The following IFT43 variants were observed in gnomAD, a reference collection of about 807,000 sequenced individuals.
IFT43 encodes the protein intraflagellar transport protein 43 homolog.
IFT43 carries 33 observed loss-of-function variants against 32.3 expected under a neutral mutation model. The ratio of observed to expected loss-of-function variants is 1.02; its 90% CI spans 0.77 to 1.37. IFT43 has a LOEUF of 1.37. Ranked by LOEUF, IFT43 falls within the 40% of genes most tolerant of loss-of-function variation. IFT43 has a pLI of 0.00. For synonymous variants in IFT43, 93 were observed against 98.2 expected, an observed-to-expected ratio of 0.95 and a Z score of 0.31; for missense variants, 274 against 265.9, an observed-to-expected ratio of 1.03 and a Z score of -0.21.
At position 76,058,292 on chromosome 14, in the gene IFT43, GGTCTCAGTCCTAA is replaced by G. The variant is rs1228793624; in HGVS notation, c.216-348_216-336del. The stretch of plus-strand genomic sequence containing the variant: ...GCTAACAACACCAAATAAGACCCAG[GGTCTCAGTCCTAA>G]GAAAGCACTCTATAAATCAGTCAGT... On this transcript the variant is annotated intron_variant, in intron 3 of 8. Coordinates refer to ENST00000314067, the MANE Select transcript of IFT43 (RefSeq NM_001102564.3). 1.0e-5 allele frequency: 3 copies of G among 299,602 alleles called. No individual in the cohort carries two copies. In the East Asian group the frequency reaches 2.7e-4, roughly 27 times the overall value. 18.6% of individuals were successfully genotyped at this position (299,602 alleles called of 1,614,324 possible).
chr14:76,073,930 C>T lies in IFT43; in HGVS notation c.296-8365C>T, dbSNP rs144559194. On this transcript the variant is annotated intron_variant, in intron 5 of 8. Coordinates refer to ENST00000314067, the MANE Select transcript of IFT43 (RefSeq NM_001102564.3). The stretch of plus-strand genomic sequence containing the variant: ...ACTCCTCATCTGTCTTATGAAAATT[C>T]GATTCCGAGTGGCTGTGATCAAAAC... Among the ~76,000 whole-genome samples, 45 of 152,098 alleles carry T rather than the reference C, an allele frequency of 3.0e-4. No individual in the cohort carries two copies. In the East Asian group the frequency reaches 4.5e-3, roughly 15 times the overall value.
intron 2 of IFT43, among the ~76,000 whole-genome samples, chr14:76,016,812 T>C (rs985385630): frequency 6.6e-6 from 1 of 152,210 alleles, no homozygotes; most frequent in African/African-American, 2.4e-5. Context: ...GTAGCTATTA[T>C]AAATGGGATT....
intron 7 of IFT43, 63 bp downstream of exon 7, chr14:76,082,755 AT>A: frequency 1.6e-6 from 2 of 1,226,338 alleles, no homozygotes; most frequent in South Asian, 1.2e-5. Context: ...ATCCGTAGAG[AT>A]TTCTCAGTTC....
At chr14:75,994,596 C>CT (rs1566696331) in intron 2 of IFT43, among the ~76,000 whole-genome samples, 2 of 152,288 alleles carry the variant, frequency 1.3e-5, no homozygotes, top group African/African-American at 4.8e-5. Flanking sequence ...ACTAAGAAAG[C>CT]TTATGACTAC....
At chr14:76,003,771 C>T (rs376214673) in intron 2 of IFT43, among the ~76,000 whole-genome samples, 4 of 151,650 alleles carry the variant, frequency 2.6e-5, no homozygotes, top group Non-Finnish European at 4.4e-5. Flanking sequence ...TACAGTTTGT[C>T]GGGTTTTTGT....
intron 2 of IFT43, among the ~76,000 whole-genome samples, chr14:75,990,314 A>G (rs894847418): frequency 2.6e-5 from 4 of 152,250 alleles, no homozygotes; most frequent in Non-Finnish European, 4.4e-5. Context: ...TAATCACCAT[A>G]TGGACTGGAT....
At chr14:76,062,938 A>AAAAAAAAAAAAAAAAAAAAAG (rs1485146040) in intron 5 of IFT43, among the ~76,000 whole-genome samples, 16 of 120,886 alleles carry the variant, frequency 1.3e-4, no homozygotes, top group African/African-American at 3.0e-4. Context: ...AAAAAAAAAA[A>AAAAAAAAAAAAAAAAAAAAAG]AAAGAAAATA....
intron 2 of IFT43, among the ~76,000 whole-genome samples, chr14:75,989,770 A>G (rs1228290328): frequency 6.6e-6 from 1 of 152,196 alleles, no homozygotes; most frequent in Non-Finnish European, 1.5e-5. Flanking sequence ...CCTGGCTTCT[A>G]GCTTGCTGGC....
chr14:76,005,785 T>G (rs925473518), intron 2 of IFT43, among the ~76,000 whole-genome samples: 1 of 152,214 alleles, frequency 6.6e-6, no homozygotes, highest in Non-Finnish European at 1.5e-5. Flanking sequence ...GTTCTTTTCT[T>G]TCAAGGATAA....
chr14:76,078,755 G>A (rs1214400475), intron 5 of IFT43, among the ~76,000 whole-genome samples: 4 of 152,218 alleles, frequency 2.6e-5, no homozygotes, highest in Non-Finnish European at 5.9e-5. Context: ...GGAAGCTGGG[G>A]ATACCGGCTC....
intron 2 of IFT43, among the ~76,000 whole-genome samples, chr14:75,994,507 T>G (rs559756967): frequency 6.6e-6 from 1 of 152,180 alleles, no homozygotes; most frequent in Non-Finnish European, 1.5e-5. Flanking sequence ...AGGGTTGTTG[T>G]GAAGATCAAA....
intron 5 of IFT43, among the ~76,000 whole-genome samples, chr14:76,062,938 A>AG (rs2037167699): frequency 1.7e-4 from 20 of 120,886 alleles, no homozygotes; most frequent in Non-Finnish European, 3.1e-4. Context: ...AAAAAAAAAA[A>AG]AAAGAAAATA....
chr14:76,076,532 G>T, intron 5 of IFT43: 1 of 1,605,076 alleles, frequency 6.2e-7, no homozygotes, highest in South Asian at 1.1e-5. Context: ...GTGAAGAGCT[G>T]GGTAGTGCTT....
At chr14:76,082,014 T>C (rs2037518812) in intron 5 of IFT43, among the ~76,000 whole-genome samples, 2 of 152,222 alleles carry the variant, frequency 1.3e-5, no homozygotes, top group South Asian at 2.1e-4. Context: ...TCTAACCTGT[T>C]GCACGCGTCA....
chr14:76,024,471 T>C lies in IFT43; in HGVS notation c.215+2077T>C, dbSNP rs186391511. On this transcript the variant is annotated intron_variant, in intron 3 of 8. Coordinates refer to ENST00000314067, the MANE Select transcript of IFT43 (RefSeq NM_001102564.3). ...ATTCAGATTTCAGCATTTAACTGGC[T>C]ATGTAAACCTGGGGAAGTTACTTAA... is the stretch of plus-strand genomic sequence containing the variant. Among the ~76,000 whole-genome samples the C allele has an allele frequency of 8.1e-3, 1,230 of 152,352 alleles. 8 individuals carry two copies. Among genetic ancestry groups the C allele is most frequent in the Non-Finnish European group, 0.01 (704 of 68,032 alleles).
rs1566699260 is a variant in IFT43 at position 75,999,248 on chromosome 14, TATATATATATATATATATA to T, written c.147+10272_147+10290del. On this transcript the variant is annotated intron_variant, in intron 2 of 8. Transcript: ENST00000314067. ...CATTTTATATATATATATATATATA[TATATATATATATATATATA>T]TATATGTATATATATTTTTTTTTTT... 3.7e-3 allele frequency among the ~76,000 whole-genome samples: 47 copies of T among 12,604 alleles called. 2 individuals carry two copies. Among genetic ancestry groups the T allele is most frequent in the African/African-American group, 0.017 (45 of 2,620 alleles). The allele number at this position is 12,604 out of a possible 152,430, so 8.3% of individuals were successfully genotyped here.
At chr14:76,018,116 T>A (rs1461462271) in intron 2 of IFT43, among the ~76,000 whole-genome samples, 2 of 152,050 alleles carry the variant, frequency 1.3e-5, no homozygotes, top group East Asian at 3.8e-4. Context: ...CCTGCATTTC[T>A]AGTTCCCTGA....
At chr14:75,999,251 A>G (rs1298171483) in intron 2 of IFT43, among the ~76,000 whole-genome samples, 1 of 15,242 alleles carries the variant, frequency 6.6e-5, no homozygotes. Flanking sequence ...ATATATATAT[A>G]TATATATATA....
chr14:76,033,242 A>T (rs1294777709), intron 3 of IFT43, among the ~76,000 whole-genome samples: 1 of 152,130 alleles, frequency 6.6e-6, no homozygotes, highest in Admixed American at 6.5e-5. Flanking sequence ...AAGGAAAGGG[A>T]TGGAACAGTA....
Sources: allele counts gnomAD v4.1 joint callset (sites outside exome capture counted in the v4.1 genomes callset), GRCh38; gene constraint gnomAD v4.1.1; transcripts MANE v1.5; gene names NCBI Gene and HGNC (gene_info 2026-07-23, HGNC 2026-07-21).